Variants in PARD3B observed in about 807,000 individuals in gnomAD.
PARD3B encodes partitioning defective 3 homolog B.
Under a neutral mutation model 130.2 loss-of-function variants are expected in PARD3B, and 103 were observed. The observed-to-expected ratio is 0.79, with a 90% CI of 0.67 to 0.93. The LOEUF (loss-of-function observed/expected upper bound fraction) is 0.93, where lower values mean the gene tolerates loss of function less well. Ranked by LOEUF, PARD3B falls within the 40% of genes least tolerant of loss-of-function variation. PARD3B has a pLI of 0.00. For synonymous variants in PARD3B, 583 were observed against 553.2 expected (o/e 1.05, Z -0.76); for missense variants, 1,609 against 1,499.2 (o/e 1.07, Z -1.21).
At chr2:205,598,421 A>T (rs147478172) in intron 22 of PARD3B, among the ~76,000 whole-genome samples, 1 of 152,304 alleles carries the variant, frequency 6.6e-6, no homozygotes, top group Non-Finnish European at 1.5e-5. Flanking sequence ...ACACTTAACT[A>T]TCTTAAATAC....
Position 204,716,607 on chromosome 2 carries a change from GC to G in PARD3B, c.222+30326del, listed in dbSNP as rs560856084. 3.3e-3 allele frequency among the ~76,000 whole-genome samples: 454 copies of G among 137,410 alleles called. 1 individual carries two copies. The highest frequency in any genetic ancestry group is 0.011 in the African/African-American group (441 of 38,862). 90.1% of individuals were successfully genotyped at this position (137,410 alleles called of 152,430 possible). A position where few individuals can be genotyped will look rare whatever the true frequency, so the allele number is the denominator to read the frequency against. On this transcript the variant is annotated intron_variant, in intron 2 of 22. Transcript: ENST00000406610. ...GCTGTTTTTGCTATTAAAAGTAATG[GC>G]AAAAACAGCAACTGCTTTTTTTTTT... is the stretch of plus-strand genomic sequence containing the variant.
At chr2:205,529,552 T>A (rs1252261887) in intron 21 of PARD3B, among the ~76,000 whole-genome samples, 1 of 152,162 alleles carries the variant, frequency 6.6e-6, no homozygotes, top group Non-Finnish European at 1.5e-5. Context: ...AAACGTTACG[T>A]AAAAGCTGCC....
At chr2:204,682,330 G>A (rs770193300) in intron 1 of PARD3B, among the ~76,000 whole-genome samples, 58 of 152,104 alleles carry the variant, frequency 3.8e-4, no homozygotes, top group Non-Finnish European at 6.2e-4. Flanking sequence ...TCTGAACTTC[G>A]GAAAGTTAAT....
intron 2 of PARD3B, among the ~76,000 whole-genome samples, chr2:204,865,206 T>A (rs1057463327): frequency 2.0e-5 from 3 of 151,538 alleles, no homozygotes; most frequent in Non-Finnish European, 3.0e-5. Flanking sequence ...TATGGAAAAC[T>A]GTGGAAATTT....
intron 22 of PARD3B, among the ~76,000 whole-genome samples, chr2:205,593,155 T>C (rs942718665): frequency 6.6e-6 from 1 of 152,208 alleles, no homozygotes; most frequent in East Asian, 1.9e-4. Context: ...AGAGTAAGCA[T>C]TTGATTTCTG....
chr2:204,662,543 T>G (rs1463069478), intron 1 of PARD3B, among the ~76,000 whole-genome samples: 1 of 152,228 alleles, frequency 6.6e-6, no homozygotes, highest in Non-Finnish European at 1.5e-5. Flanking sequence ...CAAGTTCTTT[T>G]TCTTTGCAGA....
chr2:205,408,869 C>A (rs1413125815), intron 19 of PARD3B, among the ~76,000 whole-genome samples: 1 of 152,044 alleles, frequency 6.6e-6, no homozygotes, highest in South Asian at 2.1e-4. Context: ...GAATGATTCC[C>A]AGTTTTAATA....
intron 5 of PARD3B, among the ~76,000 whole-genome samples, chr2:205,111,268 A>G (rs993929837): frequency 6.6e-6 from 1 of 152,044 alleles, no homozygotes; most frequent in Non-Finnish European, 1.5e-5. Flanking sequence ...TGTGATAATA[A>G]TTTAAAAGTT....
chr2:205,059,500 C>G (rs1699936628), intron 4 of PARD3B, among the ~76,000 whole-genome samples: 1 of 152,030 alleles, frequency 6.6e-6, no homozygotes, highest in African/African-American at 2.4e-5. Context: ...GTAATGGCCT[C>G]TTTCTTTACT....
intron 1 of PARD3B, among the ~76,000 whole-genome samples, chr2:204,617,956 C>G (rs926149566): frequency 6.6e-6 from 1 of 152,110 alleles, no homozygotes; most frequent in African/African-American, 2.4e-5. Flanking sequence ...TGATAGGCAT[C>G]TAGGTTGATT....
chr2:204,964,523 T>C (rs1691053613), intron 2 of PARD3B, among the ~76,000 whole-genome samples: 1 of 152,174 alleles, frequency 6.6e-6, no homozygotes, highest in Non-Finnish European at 1.5e-5. Context: ...TAGCATTCCA[T>C]TGGACTTAAA....
chr2:204,933,983 C>A (rs1381098328), intron 2 of PARD3B, among the ~76,000 whole-genome samples: 2 of 152,178 alleles, frequency 1.3e-5, no homozygotes, highest in African/African-American at 2.4e-5. Flanking sequence ...GACCTCAAAG[C>A]ACTCTTGTTA....
intron 22 of PARD3B, among the ~76,000 whole-genome samples, chr2:205,600,541 G>T (rs941639929): frequency 2.0e-5 from 3 of 152,140 alleles, no homozygotes; most frequent in Admixed American, 1.3e-4. Flanking sequence ...TGTGCAGGAC[G>T]TGCAAGTTTG....
intron 22 of PARD3B, among the ~76,000 whole-genome samples, chr2:205,598,999 C>T (rs1328415340): frequency 1.3e-5 from 2 of 152,090 alleles, no homozygotes; most frequent in African/African-American, 4.8e-5. Context: ...CACTAAATGC[C>T]TACATCAAGA....
intron 18 of PARD3B, among the ~76,000 whole-genome samples, chr2:205,362,933 G>T: frequency 6.6e-6 from 1 of 152,202 alleles, no homozygotes; most frequent in East Asian, 1.9e-4. Context: ...TTATGACAGC[G>T]TTAGAAAGGT....
At chr2:205,359,580 C>G (rs2105874420) in intron 18 of PARD3B, among the ~76,000 whole-genome samples, 1 of 152,302 alleles carries the variant, frequency 6.6e-6, no homozygotes, top group Non-Finnish European at 1.5e-5. Flanking sequence ...CTTTTACCCT[C>G]TGCATGTAGT....
At chr2:204,619,876 C>A (rs2125126392) in intron 1 of PARD3B, among the ~76,000 whole-genome samples, 1 of 152,282 alleles carries the variant, frequency 6.6e-6, no homozygotes. Flanking sequence ...TTCTTGAGCA[C>A]ACTGGGTACT....
At chr2:205,279,675 T>C (rs2041113626) in intron 16 of PARD3B, among the ~76,000 whole-genome samples, 1 of 152,158 alleles carries the variant, frequency 6.6e-6, no homozygotes, top group Admixed American at 6.5e-5. Flanking sequence ...AGTCACGTCA[T>C]GGCATGCAGG....
chr2:205,009,381 G>T (rs1287685702), intron 3 of PARD3B, among the ~76,000 whole-genome samples: 3 of 152,120 alleles, frequency 2.0e-5, no homozygotes, highest in Admixed American at 6.5e-5. Flanking sequence ...ATTTTATAGT[G>T]TACACACCAG....
Sources: gnomAD v4.1 joint callset for allele counts (sites outside exome capture counted in the v4.1 genomes callset) on GRCh38, gnomAD v4.1.1 for gene constraint, MANE v1.5 for transcripts, NCBI Gene and HGNC (gene_info 2026-07-23, HGNC 2026-07-21) for gene names.